MEI1: variants seen among roughly 807,000 people sequenced by gnomAD.
MEI1 encodes the protein meiosis inhibitor protein 1.
A neutral mutation model predicts 146.2 loss-of-function variants in MEI1; 103 were observed. That is an observed-to-expected ratio of 0.70 (90% confidence interval 0.60 to 0.83). The LOEUF (loss-of-function observed/expected upper bound fraction) is 0.83, where lower values mean the gene tolerates loss of function less well. MEI1 is among the 40% of genes least tolerant of loss of function. The pLI, the probability that MEI1 is intolerant of heterozygous loss-of-function variation, is 0.00. For synonymous variants in MEI1, 652 were observed against 628.2 expected, an observed-to-expected ratio of 1.04 and a Z score of -0.57; for missense variants, 1,529 against 1,533.0, an observed-to-expected ratio of 1.00 and a Z score of 0.04.
chr22:41,789,815 C>G (rs531312460), intron 26 of MEI1, among the ~76,000 whole-genome samples: 1 of 152,354 alleles, frequency 6.6e-6, no homozygotes, highest in Admixed American at 6.5e-5. Flanking sequence ...ATGACTCCCC[C>G]TGTAGAAGGT....
intron 11 of MEI1, among the ~76,000 whole-genome samples, chr22:41,740,178 C>A (rs2072740499): frequency 1.3e-5 from 2 of 151,914 alleles, no homozygotes; most frequent in African/African-American, 2.4e-5. Flanking sequence ...CGCCACCACG[C>A]CTGGATACTT....
At chr22:41,790,653 C>T (rs975308355) in intron 26 of MEI1, among the ~76,000 whole-genome samples, 10 of 151,760 alleles carry the variant, frequency 6.6e-5, no homozygotes, top group African/African-American at 2.2e-4. Context: ...AGTGCAATGG[C>T]GCGATCTCGG....
At chr22:41,777,227 C>T (rs1251001508) in intron 21 of MEI1, among the ~76,000 whole-genome samples, 1 of 150,982 alleles carries the variant, frequency 6.6e-6, no homozygotes, top group Non-Finnish European at 1.5e-5. Context: ...GTGATCTCGG[C>T]TCACTGCAAC....
chr22:41,704,452 C>T (rs954660932), intron 2 of MEI1, among the ~76,000 whole-genome samples: 5 of 143,214 alleles, frequency 3.5e-5, no homozygotes, highest in South Asian at 4.4e-4. Context: ...CTCGCTCTTT[C>T]GCCCAGGCCG....
intron 19 of MEI1, among the ~76,000 whole-genome samples, chr22:41,768,966 G>A (rs1311008467): frequency 6.6e-6 from 1 of 152,090 alleles, no homozygotes; most frequent in Non-Finnish European, 1.5e-5. Flanking sequence ...TTCATGAATT[G>A]GAAGACTTAA....
intron 6 of MEI1, among the ~76,000 whole-genome samples, chr22:41,721,057 GCT>G (rs1569176006): frequency 6.6e-6 from 1 of 151,602 alleles, no homozygotes; most frequent in Non-Finnish European, 1.5e-5. Flanking sequence ...GGGATTACAG[GCT>G]TAAGCCACTG....
chr22:41,702,176 C>T (rs570834311), intron 1 of MEI1, among the ~76,000 whole-genome samples: 2 of 152,292 alleles, frequency 1.3e-5, no homozygotes, highest in African/African-American at 2.4e-5. Flanking sequence ...GTTTCGCTCT[C>T]GTTGCCCAGG....
chr22:41,759,657 AAAT>A (rs745706504), intron 18 of MEI1, among the ~76,000 whole-genome samples: 7 of 142,988 alleles, frequency 4.9e-5, no homozygotes, highest in South Asian at 2.3e-4. Flanking sequence ...ATAAATAAAT[AAAT>A]AAAAATAAAA....
chr22:41,713,828 G>A (rs1242141043), intron 3 of MEI1, among the ~76,000 whole-genome samples, 174 bp from the exon 4 acceptor site: 1 of 152,186 alleles, frequency 6.6e-6, no homozygotes. Flanking sequence ...GATTACAGAT[G>A]TGAGCCACTG....
chr22:41,772,563 C>T (rs1416052333), intron 20 of MEI1, among the ~76,000 whole-genome samples: 2 of 152,168 alleles, frequency 1.3e-5, no homozygotes, highest in Admixed American at 1.3e-4. Context: ...CTCCAGCGAT[C>T]CTCCCACCAT....
chr22:41,784,091 T>A (rs1026274146), intron 24 of MEI1, among the ~76,000 whole-genome samples: 2 of 152,192 alleles, frequency 1.3e-5, no homozygotes, highest in African/African-American at 4.8e-5. Context: ...GAAGGCTGTC[T>A]GATGGAGGAG....
intron 9 of MEI1, among the ~76,000 whole-genome samples, chr22:41,730,884 C>A (rs1354149447): frequency 6.6e-6 from 1 of 152,156 alleles, no homozygotes; most frequent in Non-Finnish European, 1.5e-5. Context: ...CTTCTTTTAG[C>A]CACTAAATGA....
intron 26 of MEI1, 34 bp downstream of exon 26, chr22:41,784,817 C>T: frequency 6.5e-7 from 1 of 1,529,074 alleles, no homozygotes; most frequent in South Asian, 1.3e-5. Context: ...TTGCTTCTCC[C>T]AGGACAACAG....
At chr22:41,702,725 G>A (rs1010355881) in intron 1 of MEI1, among the ~76,000 whole-genome samples, 5 of 151,916 alleles carry the variant, frequency 3.3e-5, no homozygotes, top group African/African-American at 9.7e-5. Context: ...GATTACAGGC[G>A]TGAGCCACCA....
At chr22:41,722,472 T>G (rs2070950616) in intron 6 of MEI1, among the ~76,000 whole-genome samples, 1 of 147,512 alleles carries the variant, frequency 6.8e-6, no homozygotes, top group Middle Eastern at 3.4e-3. Context: ...TTTTAATTTT[T>G]TTTTTTTTTT....
At chr22:41,733,781 A>G in intron 11 of MEI1, among the ~76,000 whole-genome samples, 1 of 152,186 alleles carries the variant, frequency 6.6e-6, no homozygotes, top group South Asian at 2.1e-4. Context: ...ATAACTATTT[A>G]TATAGCATTT....
intron 26 of MEI1, among the ~76,000 whole-genome samples, chr22:41,786,846 T>A (rs895862446): frequency 3.3e-5 from 5 of 152,252 alleles, no homozygotes; most frequent in Non-Finnish European, 7.3e-5. Flanking sequence ...GTTTGTGTTT[T>A]ATGGCTTAGG....
intron 14 of MEI1, among the ~76,000 whole-genome samples, chr22:41,747,015 T>G (rs1221228232): frequency 6.6e-6 from 1 of 151,410 alleles, no homozygotes; most frequent in Admixed American, 6.6e-5. Flanking sequence ...TTTCTGTATT[T>G]TACACATTTT....
chr22:41,718,306 A>G (rs2070398027), intron 6 of MEI1, 32 bp downstream of exon 6: 5 of 1,601,602 alleles, frequency 3.1e-6, no homozygotes, highest in Admixed American at 1.7e-5. Flanking sequence ...AAAAGGGAGA[A>G]TAAGTTTTTG....
Sources: allele counts gnomAD v4.1 joint callset (sites outside exome capture counted in the v4.1 genomes callset), GRCh38; gene constraint gnomAD v4.1.1; transcripts MANE v1.5; gene names NCBI Gene and HGNC (gene_info 2026-07-23, HGNC 2026-07-21).